Variants in RPGRIP1L observed in about 807,000 individuals in gnomAD.
The protein encoded by RPGRIP1L is RPGRIP1 like, also known as protein fantom.
In RPGRIP1L, 131 loss-of-function variants were observed where a neutral mutation model predicts 160.4. That is an observed-to-expected ratio of 0.82 (90% CI 0.71 to 0.94). The LOEUF is 0.94. Among genes scored for constraint, RPGRIP1L ranks in the 40% least tolerant of loss-of-function variants. The pLI is 0.00. For synonymous variants in RPGRIP1L, 510 were observed against 515.8 expected, an observed-to-expected ratio of 0.99 and a Z score of 0.15; for missense variants, 1,522 against 1,535.8, an observed-to-expected ratio of 0.99 and a Z score of 0.15.
intron 5 of RPGRIP1L, among the ~76,000 whole-genome samples, 177 bp from the exon 6 acceptor site, chr16:53,686,753 T>C (rs1466655416): frequency 6.6e-6 from 1 of 152,256 alleles, no homozygotes; most frequent in East Asian, 1.9e-4. Flanking sequence ...TGGAAATACA[T>C]ACGGAACAAT....
intron 6 of RPGRIP1L, among the ~76,000 whole-genome samples, chr16:53,675,482 G>A (rs879667809): frequency 6.6e-6 from 1 of 151,932 alleles, no homozygotes; most frequent in Non-Finnish European, 1.5e-5. Context: ...TACCATTACC[G>A]AACTTCACAC....
At chr16:53,637,636 A>C in intron 21 of RPGRIP1L, 59 bp downstream of exon 21, 2 of 1,485,990 alleles carry the variant, frequency 1.3e-6, no homozygotes, top group Non-Finnish European at 1.9e-6. Flanking sequence ...TGCATACTCT[A>C]ACAGATAAAA....
At chr16:53,647,614 G>C (rs1448702259) in intron 16 of RPGRIP1L, among the ~76,000 whole-genome samples, 1 of 152,164 alleles carries the variant, frequency 6.6e-6, no homozygotes. Flanking sequence ...ATAATAGGGT[G>C]GGGAGTGAAA....
chr16:53,658,672 T>C, intron 11 of RPGRIP1L, 100 bp downstream of exon 11: 3 of 884,382 alleles, frequency 3.4e-6, no homozygotes, highest in Non-Finnish European at 5.4e-6. Context: ...GTAATTAATA[T>C]ATCTGTATGC....
chr16:53,661,004 A>T (rs1406807391), intron 10 of RPGRIP1L, among the ~76,000 whole-genome samples: 1 of 150,958 alleles, frequency 6.6e-6, no homozygotes, highest in African/African-American at 2.4e-5. Context: ...ACTAAAGAAA[A>T]GAATATCCAG....
At position 53,611,060 on chromosome 16, in the gene RPGRIP1L, A is replaced by G. The variant is rs201158816; in HGVS notation, c.3617-9T>C. The G allele has an allele frequency of 6.3e-6, 10 of 1,597,628 alleles. No individual in the cohort carries two copies. The highest frequency in any genetic ancestry group is 8.6e-6 in the Non-Finnish European group (10 of 1,165,878). On this transcript the variant is annotated splice_polypyrimidine_tract_variant and intron_variant, in intron 24 of 26. Coordinates refer to ENST00000647211, the MANE Select transcript of RPGRIP1L (RefSeq NM_015272.5). ...TTTATCCACGTAGATCACTATACCA[A>G]AAGAAAAAAAAATGCCAAAAAGGAA...
In RPGRIP1L at chr16:53,648,873, G is replaced by A. The variant is rs12600091; in HGVS notation, c.2304+91C>T. 73,267 of 1,191,174 alleles carry A rather than the reference G, an allele frequency of 0.062. 3,576 individuals are homozygous for A. The highest frequency in any genetic ancestry group is 0.28 in the East Asian group (11,328 of 41,190). The allele number at this position is 1,191,174 out of a possible 1,614,324, so 73.8% of individuals were successfully genotyped here. ...AGTTAAAAAAAGACACTTGATGGCTGTGAAAATGATTTTAGTTTAAAGCAC... is the reference window on the plus strand; with the variant it reads ...AGTTAAAAAAAGACACTTGATGGCTATGAAAATGATTTTAGTTTAAAGCAC... On this transcript the variant is annotated intron_variant, in intron 16 of 26. Transcript: ENST00000647211.
chr16:53,635,754 T>G (rs1238399730), intron 22 of RPGRIP1L: 1 of 152,160 alleles, frequency 6.6e-6, no homozygotes, highest in Non-Finnish European at 1.5e-5. Flanking sequence ...AAAATTAACA[T>G]AGATGAATAG....
chr16:53,641,281 T>C lies in RPGRIP1L; in HGVS notation c.2874+4A>G. 1.2e-6 allele frequency: 2 copies of C among 1,613,264 alleles called. No homozygotes were observed. The highest frequency in any genetic ancestry group is 1.7e-6 in the Non-Finnish European group (2 of 1,179,448). On this transcript the variant is annotated splice_donor_region_variant and intron_variant, in intron 18 of 26. Transcript: ENST00000647211. Reference sequence around the variant, plus strand: ...TAAAAAAATTAAAAGTCACTGATACTCACTAAAACTAGTGTGCTAACAGAG... The same window carrying C: ...TAAAAAAATTAAAAGTCACTGATACCCACTAAAACTAGTGTGCTAACAGAG...
Position 53,600,000 on chromosome 16 carries a change from G to C in RPGRIP1L, c.*2076C>G, listed in dbSNP as rs1963311314. 6.6e-6 allele frequency: 1 copy of C among 152,114 alleles called. No individual in the cohort carries two copies. Among genetic ancestry groups the C allele is most frequent in the Non-Finnish European group, 1.5e-5 (1 of 68,018 alleles). The allele number at this position is 152,114 out of a possible 1,614,324, so 9.4% of individuals were successfully genotyped here. A position where few individuals can be genotyped will look rare whatever the true frequency, so the allele number is the denominator to read the frequency against. On this transcript the variant is annotated 3_prime_UTR_variant, in exon 27 of 27. Coordinates refer to ENST00000647211, the MANE Select transcript of RPGRIP1L (RefSeq NM_015272.5). Reference sequence around the variant, plus strand: ...TTGTCTGAGATATACATTCCATACAGGTGACTGGGTCCCATAAGTTTTCTA... The same window carrying C: ...TTGTCTGAGATATACATTCCATACACGTGACTGGGTCCCATAAGTTTTCTA...
rs1970027064 is a variant in RPGRIP1L, at chr16:53,686,522, A to G, written c.687T>C (p.Ala229=). The change falls in exon 6 of 27, where the codon GCT becomes GCC. Residue 229 remains alanine, a synonymous_variant. Transcript: ENST00000647211. Reference sequence around the variant, plus strand: ...TCCTCAACTGAGTTTTCAGGATCTCAGCCAAGTGCTCTAACTCCTCTATCT... The same window carrying G: ...TCCTCAACTGAGTTTTCAGGATCTCGGCCAAGTGCTCTAACTCCTCTATCT... ...RGQIEELEHL[A]EILKTQLRRK... 2 of 1,613,556 alleles carry G rather than the reference A, an allele frequency of 1.2e-6. No homozygotes were observed. Among genetic ancestry groups the G allele is most frequent in the Non-Finnish European group, 1.7e-6 (2 of 1,179,734 alleles).
At chr16:53,645,383 T>C (rs1966473916) in intron 17 of RPGRIP1L, among the ~76,000 whole-genome samples, 1 of 152,002 alleles carries the variant, frequency 6.6e-6, no homozygotes, top group African/African-American at 2.4e-5. Flanking sequence ...ATTAAATATT[T>C]AATTAAATAC....
intron 16 of RPGRIP1L, among the ~76,000 whole-genome samples, chr16:53,646,272 T>C (rs936481569): frequency 3.3e-5 from 5 of 151,846 alleles, no homozygotes; most frequent in African/African-American, 1.2e-4. Flanking sequence ...CCAAGAAAAA[T>C]GTTAATCTGA....
At chr16:53,625,854 GCTCT>G (rs1423825286) in intron 22 of RPGRIP1L, among the ~76,000 whole-genome samples, 1 of 152,038 alleles carries the variant, frequency 6.6e-6, no homozygotes, top group East Asian at 1.9e-4. Context: ...CCAACCCCGT[GCTCT>G]CTGAAACATG....
chr16:53,698,559 G>T, intron 2 of RPGRIP1L, among the ~76,000 whole-genome samples: 1 of 136,382 alleles, frequency 7.3e-6, no homozygotes, highest in East Asian at 2.3e-4. Context: ...TCAGCCCCCC[G>T]CCCGGCCAGC....
At chr16:53,654,374 T>C (rs2151137143) in intron 14 of RPGRIP1L, among the ~76,000 whole-genome samples, 1 of 152,342 alleles carries the variant, frequency 6.6e-6, no homozygotes, top group East Asian at 1.9e-4. Flanking sequence ...TCAAATGTAC[T>C]GCAATACGTC....
At chr16:53,689,842 A>C (rs1970267491) in intron 4 of RPGRIP1L, among the ~76,000 whole-genome samples, 1 of 152,172 alleles carries the variant, frequency 6.6e-6, no homozygotes. Flanking sequence ...CATGTCCTGA[A>C]CTCTATCCTG....
intron 16 of RPGRIP1L, 115 bp downstream of exon 16, chr16:53,648,849 G>T: frequency 1.0e-6 from 1 of 958,982 alleles, no homozygotes. Context: ...CAAAATAAAA[G>T]TTAAAAAAAG....
At chr16:53,625,425 G>A (rs535515172) in intron 22 of RPGRIP1L, among the ~76,000 whole-genome samples, 2 of 149,426 alleles carry the variant, frequency 1.3e-5, no homozygotes, top group Admixed American at 1.3e-4. Flanking sequence ...GCCCCGTCTG[G>A]GGGGTGGGGT....
Sources: allele counts gnomAD v4.1 joint callset (sites outside exome capture counted in the v4.1 genomes callset), GRCh38; gene constraint gnomAD v4.1.1; transcripts MANE v1.5; gene names NCBI Gene and HGNC (gene_info 2026-07-23, HGNC 2026-07-21).